Variants in GAB2 observed in about 807,000 individuals in gnomAD.
GAB2 encodes GRB2-associated-binding protein 2.
GAB2 carries 26 observed loss-of-function variants against 65.5 expected under a neutral mutation model. That is an observed-to-expected ratio of 0.40 (90% CI 0.29 to 0.55). The LOEUF (loss-of-function observed/expected upper bound fraction) is 0.55. GAB2 is among the 20% of genes least tolerant of loss of function. GAB2 has a pLI of 0.53. For missense variants in GAB2, 884 were observed against 875.8 expected (o/e 1.01, Z -0.12); for synonymous variants, 321 against 329.6 (o/e 0.97, Z 0.28).
At chr11:78,279,771 AAT>A (rs1179569161) in intron 2 of GAB2, among the ~76,000 whole-genome samples, 1 of 152,192 alleles carries the variant, frequency 6.6e-6, no homozygotes, top group Non-Finnish European at 1.5e-5. Context: ...ATGGCTTAGT[AAT>A]ATATATGTAT....
At chr11:78,236,390 A>G (rs1410305128) in intron 3 of GAB2, among the ~76,000 whole-genome samples, 2 of 152,190 alleles carry the variant, frequency 1.3e-5, no homozygotes, top group East Asian at 3.8e-4. Flanking sequence ...AGCTCCAGGT[A>G]TCCACCTGCC....
intron 1 of GAB2, among the ~76,000 whole-genome samples, chr11:78,311,309 T>C (rs1363915405): frequency 6.6e-6 from 1 of 152,170 alleles, no homozygotes; most frequent in African/African-American, 2.4e-5. Context: ...AATGAGCTCT[T>C]TCATATACCT....
intron 2 of GAB2, among the ~76,000 whole-genome samples, chr11:78,266,585 C>T (rs145586921): frequency 3.2e-4 from 48 of 152,326 alleles, no homozygotes; most frequent in African/African-American, 1.2e-3. Context: ...TATTTTCACA[C>T]TTGAGGTTAA....
intron 1 of GAB2, among the ~76,000 whole-genome samples, chr11:78,322,760 C>T (rs921923005): frequency 4.7e-5 from 7 of 150,344 alleles, no homozygotes; most frequent in African/African-American, 1.7e-4. Flanking sequence ...CAATGAGAGA[C>T]CATCTCACAC....
intron 1 of GAB2, among the ~76,000 whole-genome samples, chr11:78,297,763 G>A (rs1188910389): frequency 6.6e-6 from 1 of 152,224 alleles, no homozygotes; most frequent in East Asian, 1.9e-4. Flanking sequence ...ATTGGCAAAT[G>A]AGCTTGAGAA....
At chr11:78,286,596 T>C (rs528595332) in intron 1 of GAB2, among the ~76,000 whole-genome samples, 1 of 151,700 alleles carries the variant, frequency 6.6e-6, no homozygotes, top group African/African-American at 2.4e-5. Context: ...TTTTTTTCAT[T>C]CCATGAATAT....
intron 1 of GAB2, among the ~76,000 whole-genome samples, chr11:78,300,493 TAG>T (rs1866965910): frequency 6.9e-6 from 1 of 145,072 alleles, no homozygotes; most frequent in Non-Finnish European, 1.5e-5. Flanking sequence ...ATGGGTCACA[TAG>T]TAAGTCTACG....
intron 1 of GAB2, among the ~76,000 whole-genome samples, chr11:78,282,432 C>T (rs762934835): frequency 6.6e-5 from 10 of 151,804 alleles, no homozygotes; most frequent in Non-Finnish European, 1.0e-4. Context: ...CCTCAGCCTA[C>T]GGAGTAGCTG....
chr11:78,235,023 G>A (rs975543219), intron 3 of GAB2, among the ~76,000 whole-genome samples: 2 of 152,030 alleles, frequency 1.3e-5, no homozygotes, highest in Admixed American at 6.6e-5. Flanking sequence ...CCGGGCCACC[G>A]GGAGGGGCTG....
chr11:78,335,340 C>T (rs533727640), intron 1 of GAB2, among the ~76,000 whole-genome samples: 1 of 152,136 alleles, frequency 6.6e-6, no homozygotes, highest in African/African-American at 2.4e-5. Context: ...GAGATTTTCC[C>T]CAATCAGTTC....
intron 2 of GAB2, among the ~76,000 whole-genome samples, chr11:78,261,706 G>A (rs1370562551): frequency 1.3e-5 from 2 of 152,162 alleles, no homozygotes; most frequent in African/African-American, 4.8e-5. Flanking sequence ...GAGCAGGTAC[G>A]AGAGGCACTA....
At chr11:78,349,734 T>C (rs986718626) in intron 1 of GAB2, among the ~76,000 whole-genome samples, 12 of 152,196 alleles carry the variant, frequency 7.9e-5, no homozygotes, top group African/African-American at 2.9e-4. Context: ...TCAAAGCAGC[T>C]TGGGAGAGTG....
At chr11:78,251,134 A>T (rs1295737440) in intron 2 of GAB2, among the ~76,000 whole-genome samples, 1 of 152,108 alleles carries the variant, frequency 6.6e-6, no homozygotes, top group Non-Finnish European at 1.5e-5. Flanking sequence ...ATGAAATTTA[A>T]ACATCTAATT....
At chr11:78,292,269 G>T (rs1302800610) in intron 1 of GAB2, among the ~76,000 whole-genome samples, 1 of 152,136 alleles carries the variant, frequency 6.6e-6, no homozygotes, top group Non-Finnish European at 1.5e-5. Context: ...AAAAGGACAC[G>T]CCTATTCCAG....
chr11:78,347,031 A>T (rs1199585147), intron 1 of GAB2, among the ~76,000 whole-genome samples: 1 of 152,096 alleles, frequency 6.6e-6, no homozygotes, highest in Admixed American at 6.6e-5. Context: ...AACCAAACAT[A>T]GCAGGAATGA....
At chr11:78,220,124 G>A (rs1864347739) in intron 9 of GAB2, among the ~76,000 whole-genome samples, 195 bp downstream of exon 9, 1 of 152,204 alleles carries the variant, frequency 6.6e-6, no homozygotes, top group Non-Finnish European at 1.5e-5. Context: ...AGGGTACTGT[G>A]CTCTGAGAGC....
At chr11:78,333,844 C>G (rs1303472857) in intron 1 of GAB2, among the ~76,000 whole-genome samples, 1 of 152,196 alleles carries the variant, frequency 6.6e-6, no homozygotes, top group Non-Finnish European at 1.5e-5. Context: ...TTTCTATCCT[C>G]ATTTTCAGTC....
chr11:78,411,795 G>A (rs1480506886), intron 1 of GAB2, among the ~76,000 whole-genome samples: 7 of 151,998 alleles, frequency 4.6e-5, no homozygotes, highest in Non-Finnish European at 1.0e-4. Context: ...ACTTTGGGAG[G>A]CCAAGGTGGG....
At chr11:78,416,032 CAA>C (rs1292618073) in intron 1 of GAB2, among the ~76,000 whole-genome samples, 7 of 150,040 alleles carry the variant, frequency 4.7e-5, no homozygotes, top group African/African-American at 1.2e-4. Context: ...CTCTTCGGGA[CAA>C]AGTTTTTAAA....
Sources: allele counts gnomAD v4.1 joint callset (sites outside exome capture counted in the v4.1 genomes callset), GRCh38; gene constraint gnomAD v4.1.1; transcripts MANE v1.5; gene names NCBI Gene and HGNC (gene_info 2026-07-23, HGNC 2026-07-21).